The following PKD1 variants were observed in gnomAD, a reference collection of about 807,000 sequenced individuals.
PKD1 encodes polycystin 1, transient receptor potential channel interacting.
A neutral mutation model predicts 361.7 loss-of-function variants in PKD1; 81 were observed. The ratio of observed to expected loss-of-function variants is 0.22; its 90% CI spans 0.19 to 0.27. PKD1 has a LOEUF of 0.27. Among genes scored for constraint, PKD1 ranks in the 10% least tolerant of loss-of-function variants. PKD1 has a pLI of 1.00. For missense variants in PKD1, 6,399 were observed against 6,118.3 expected (o/e 1.05, Z -1.53); for synonymous variants, 3,615 against 2,818.3 (o/e 1.28, Z -8.95).
At chr16:2,093,447 G>A in intron 37 of PKD1, 97 bp downstream of exon 37, 1 of 1,179,618 alleles carries the variant, frequency 8.5e-7, no homozygotes, top group South Asian at 1.4e-5. Context: ...GGCCTTCTGA[G>A]GTGAGGAAAG....
At chr16:2,117,366 C>A (rs2092655568) in intron 6 of PKD1, 123 bp downstream of exon 6, 3 of 720,702 alleles carry the variant, frequency 4.2e-6, no homozygotes, top group Non-Finnish European at 6.8e-6. Context: ...GCCGGCGCCA[C>A]CTGCTCACCA....
At chr16:2,112,071 G>T (rs1365758064) in intron 14 of PKD1, among the ~76,000 whole-genome samples, 200 bp from the exon 15 acceptor site, 1 of 152,222 alleles carries the variant, frequency 6.6e-6, no homozygotes. Context: ...GGACGGCACC[G>T]CCTCCAAGTG....
chr16:2,121,723 G>A (rs1432659166), intron 1 of PKD1, among the ~76,000 whole-genome samples: 13 of 115,774 alleles, frequency 1.1e-4, no homozygotes, highest in Admixed American at 8.6e-5. Flanking sequence ...CTGGTCCCAC[G>A]CACTCCCAGT....
At position 2,105,346 on chromosome 16, in the gene PKD1, G is replaced by A. The variant is rs537012440; in HGVS notation, c.7992C>T (p.Ile2664=). 1.2e-4 allele frequency: 197 copies of A among 1,592,726 alleles called. 1 individual carries two copies. In the South Asian group the frequency reaches 1.8e-3, roughly 15 times the overall value. The change falls in exon 21 of 46, where the codon ATC becomes ATT. Residue 2664 remains isoleucine (I), a synonymous_variant. Transcript: ENST00000262304. ...RVHTVDDIQQ[I]AAALAQCMGP... is the part of the protein sequence containing the mutation. ...CCATGCACTGGGCCAGCGCAGCAGC[G>A]ATCTGCTGGATGTCATCCACAGTGT...
chr16:2,128,696 C>A (rs1463973412), intron 1 of PKD1, among the ~76,000 whole-genome samples: 1 of 152,134 alleles, frequency 6.6e-6, no homozygotes, highest in African/African-American at 2.4e-5. Context: ...GGAGAGGGTG[C>A]GGACTCTTCC....
Position 2,114,602 on chromosome 16 carries a change from G to A in PKD1, c.2421C>T (p.Ser807=). 6.3e-7 allele frequency: 1 copy of A among 1,588,268 alleles called. No homozygotes were observed. Among genetic ancestry groups the A allele is most frequent in the South Asian group, 1.1e-5 (1 of 89,730 alleles). ...CAAAGCTGCAGGAGAGGTTGTGCCT[G>A]GACACGCCATTGCCCACCTCTGCCC... ...EVRAEVGNGV[S]RHNLSCSFDV... is the part of the protein sequence containing the mutation. Residue 807 remains serine, a synonymous_variant, in exon 11 of 46, where the codon TCC becomes TCT. Coordinates refer to ENST00000262304, the MANE Select transcript of PKD1 (RefSeq NM_001009944.3).
rs2092201492 is a variant in PKD1, at chr16:2,103,700, T to C, written c.8357A>G (p.Lys2786Arg). The C allele has an allele frequency of 6.2e-7, 1 of 1,609,946 alleles. No individual in the cohort carries two copies. Among genetic ancestry groups the C allele is most frequent in the Non-Finnish European group, 8.5e-7 (1 of 1,179,494 alleles). Residue 2786 changes from lysine (K) to arginine (R), a missense_variant, in exon 23 of 46, where the codon AAG (lysine) becomes AGG (arginine). By Grantham distance (26) the Lys-to-Arg change is conservative. Coordinates refer to ENST00000262304, the MANE Select transcript of PKD1 (RefSeq NM_001009944.3). ...CAGCAGGCTCCGCGGGTCCGAGCGCTTGCCCTGGGCCACGATCTCCTCGCC... is the reference window on the plus strand; with the variant it reads ...CAGCAGGCTCCGCGGGTCCGAGCGCCTGCCCTGGGCCACGATCTCCTCGCC... ...LAGEEIVAQG[K>R]RSDPRSLLCY...
rs898449056 is a variant in PKD1, at chr16:2,090,473, G to A, written c.12256C>T (p.Leu4086=). ...PAESWHLSPL[L]CVGLWALRLW... ...CGCAGTGCCCAGAGCCCCACACACA[G>A]CAGGGGTGACAGGTGCCAGGACTCG... Residue 4086 remains leucine (L), a synonymous_variant, in exon 45 of 46, where the codon CTG becomes TTG. Transcript: ENST00000262304. 1.2e-6 allele frequency: 2 copies of A among 1,612,254 alleles called. No homozygotes were observed. Among genetic ancestry groups the A allele is most frequent in the African/African-American group, 1.3e-5 (1 of 75,026 alleles).
At position 2,097,212 on chromosome 16, in the gene PKD1, C is replaced by T. The variant is rs779460999; in HGVS notation, c.10435G>A (p.Glu3479Lys). 2.4e-5 allele frequency: 38 copies of T among 1,571,338 alleles called. No homozygotes were observed. The Middle Eastern group carries it at 1.5e-3, about 62-fold the overall frequency. ...DEDLIQQVLA[E>K]GVSSPAPTQD... Reference sequence around the variant, plus strand: ...GTAGGGGCTGGGCTGCTGACCCCCTCGGCAAGGACCTGCTGGATCAGGTCT... The same window carrying T: ...GTAGGGGCTGGGCTGCTGACCCCCTTGGCAAGGACCTGCTGGATCAGGTCT... The change falls in exon 34 of 46, where the codon GAG (glutamate) becomes AAG (lysine). Residue 3479 changes from glutamate (E) to lysine (K), a missense_variant. Glu to Lys is a moderately conservative substitution (Grantham distance 56). Transcript: ENST00000262304.
rs571140722 is a variant in PKD1 at position 2,118,857 on chromosome 16, G to C, written c.360-12C>G. On this transcript the variant is annotated splice_polypyrimidine_tract_variant and intron_variant, in intron 3 of 45. Coordinates refer to ENST00000262304, the MANE Select transcript of PKD1 (RefSeq NM_001009944.3). The surrounding 1 kb of genome is among the most constrained non-coding windows in gnomAD (Gnocchi z 6.0). ...TCCCACTCAGGTTTCTGCAGGGCAGGGGCAGGTGTTGGGGACCAGGTCTGG... is the reference window on the plus strand; with the variant it reads ...TCCCACTCAGGTTTCTGCAGGGCAGCGGCAGGTGTTGGGGACCAGGTCTGG... 2 of 1,595,172 alleles carry C rather than the reference G, an allele frequency of 1.3e-6. No homozygotes were observed. Among genetic ancestry groups the C allele is most frequent in the African/African-American group, 1.3e-5 (1 of 74,980 alleles).
intron 30 of PKD1, 100 bp from the exon 31 acceptor site, chr16:2,098,084 A>T (rs2091920979): frequency 1.4e-6 from 1 of 693,884 alleles, no homozygotes; most frequent in Admixed American, 2.0e-5. Flanking sequence ...GCCCGGTGCC[A>T]TCTGACAGAA....
intron 34 of PKD1, among the ~76,000 whole-genome samples, chr16:2,096,548 T>C (rs2091856680): frequency 6.6e-6 from 1 of 152,106 alleles, no homozygotes; most frequent in Admixed American, 6.5e-5. Flanking sequence ...GGAGTTTCGC[T>C]CTTGTTGCCC....
intron 26 of PKD1, among the ~76,000 whole-genome samples, chr16:2,101,334 G>A (rs577595779): frequency 1.6e-3 from 234 of 148,204 alleles, no homozygotes; most frequent in Non-Finnish European, 2.1e-3. Flanking sequence ...CAATGAAGAG[G>A]AAAGCAGCAC....
chr16:2,112,688 G>A (rs1359506335), intron 13 of PKD1, 100 bp downstream of exon 13: 2 of 1,328,750 alleles, frequency 1.5e-6, no homozygotes, highest in Non-Finnish European at 1.1e-6. Context: ...GGAAACCGAG[G>A]CTCAGAAAAG....
chr16:2,111,928 C>G (rs1596564222), intron 14 of PKD1, 57 bp from the exon 15 acceptor site: 2 of 1,590,048 alleles, frequency 1.3e-6, no homozygotes, highest in East Asian at 2.3e-5. Flanking sequence ...TCCCCACCCG[C>G]TCGGCAGAAG....
Position 2,108,631 on chromosome 16 carries a change from A to G in PKD1, c.6536T>C (p.Val2179Ala), listed in dbSNP as rs753597599. 1.9e-6 allele frequency: 3 copies of G among 1,560,244 alleles called. No homozygotes were observed. The highest frequency in any genetic ancestry group is 2.3e-4 in the Middle Eastern group (1 of 4,442). The change falls in exon 15 of 46, where the codon GTC (valine) becomes GCC (alanine). Residue 2179 changes from valine (V) to alanine (A), a missense_variant. Val to Ala is a moderately conservative substitution (Grantham distance 64). Coordinates refer to ENST00000262304, the MANE Select transcript of PKD1 (RefSeq NM_001009944.3). ...CCAGCGGTACTCAGTCTGGTAGGTGACGCAGTCGCGCAGGTCAACGTGGGC... is the reference window on the plus strand; with the variant it reads ...CCAGCGGTACTCAGTCTGGTAGGTGGCGCAGTCGCGCAGGTCAACGTGGGC... ...LEAHVDLRDC[V>A]TYQTEYRWEV...
chr16:2,092,737 G>A, intron 38 of PKD1, 145 bp from the exon 39 acceptor site: 1 of 831,938 alleles, frequency 1.2e-6, no homozygotes, highest in Non-Finnish European at 2.0e-6. Context: ...TCCTGGGGAT[G>A]TTCTGGGGCA....
intron 39 of PKD1, 114 bp downstream of exon 39, chr16:2,092,366 A>C: frequency 1.0e-6 from 1 of 961,146 alleles, no homozygotes; most frequent in Non-Finnish European, 1.6e-6. Context: ...CGGCGGTGTT[A>C]AGAGGGCAAA....
chr16:2,116,239 A>G lies in PKD1; in HGVS notation c.1723-121T>C, dbSNP rs551954565. 1.5e-5 allele frequency: 16 copies of G among 1,064,836 alleles called. No individual in the cohort carries two copies. In the South Asian group the frequency reaches 2.0e-4, roughly 13 times the overall value. 66.0% of individuals were successfully genotyped at this position (1,064,836 alleles called of 1,614,324 possible). A position where few individuals can be genotyped will look rare whatever the true frequency, so the allele number is the denominator to read the frequency against. On this transcript the variant is annotated intron_variant, in intron 8 of 45. Coordinates refer to ENST00000262304, the MANE Select transcript of PKD1 (RefSeq NM_001009944.3). ...GGAGAGCGAGCCATCAGACCCCCAC[A>G]GGCCTGGCTCCTGTCGCTCGAGAGG...
Sources: allele counts gnomAD v4.1 joint callset (sites outside exome capture counted in the v4.1 genomes callset), GRCh38; gene constraint gnomAD v4.1.1; non-coding constraint Gnocchi (gnomAD v3.1); transcripts MANE v1.5; gene names NCBI Gene and HGNC (gene_info 2026-07-23, HGNC 2026-07-21).